Variants in HDAC9 observed in about 807,000 individuals in gnomAD.
The protein encoded by HDAC9 is MEF-2 interacting transcription repressor (MITR) protein.
In HDAC9, 41 loss-of-function variants were observed where a neutral mutation model predicts 139.4. That is an observed-to-expected ratio of 0.29 (90% CI 0.23 to 0.38). HDAC9 has a LOEUF of 0.38. HDAC9 is among the 10% of genes least tolerant of loss of function. The pLI, the probability that HDAC9 is intolerant of heterozygous loss-of-function variation, is 1.00. For missense variants in HDAC9, 1,147 were observed against 1,297.0 expected (o/e 0.88, Z 1.78); for synonymous variants, 517 against 476.2 (o/e 1.09, Z -1.12).
intron 17 of HDAC9, among the ~76,000 whole-genome samples, chr7:18,826,869 A>G (rs1795484744): frequency 6.7e-6 from 1 of 150,292 alleles, no homozygotes; most frequent in Non-Finnish European, 1.5e-5. Context: ...TTCTGGTAAG[A>G]CCCATTAACA....
intron 2 of HDAC9, chr7:18,162,377 A>T: frequency 6.6e-7 from 1 of 1,525,346 alleles, no homozygotes; most frequent in African/African-American, 1.4e-5. Flanking sequence ...TTAAACTGTT[A>T]ATAGACTTCA....
At chr7:18,916,576 G>A (rs1212076434) in intron 22 of HDAC9, among the ~76,000 whole-genome samples, 2 of 151,888 alleles carry the variant, frequency 1.3e-5, no homozygotes, top group African/African-American at 4.8e-5. Context: ...ATAAAGTGGT[G>A]TAAAATGTTG....
At chr7:18,970,239 A>C (rs939575395) in intron 24 of HDAC9, among the ~76,000 whole-genome samples, 4 of 152,190 alleles carry the variant, frequency 2.6e-5, no homozygotes, top group Non-Finnish European at 5.9e-5. Flanking sequence ...AGAGCTACAA[A>C]ACTGATTAAC....
intron 22 of HDAC9, among the ~76,000 whole-genome samples, chr7:18,882,776 G>T (rs188366128): frequency 6.6e-6 from 1 of 152,166 alleles, no homozygotes; most frequent in Admixed American, 6.6e-5. Context: ...TAAATATTCA[G>T]TGAAAGTCTG....
At chr7:18,733,754 T>C (rs1170568749) in intron 13 of HDAC9, among the ~76,000 whole-genome samples, 1 of 152,122 alleles carries the variant, frequency 6.6e-6, no homozygotes, top group African/African-American at 2.4e-5. Flanking sequence ...TCCTATTACC[T>C]TCACACATGT....
intron 22 of HDAC9, among the ~76,000 whole-genome samples, chr7:18,913,357 A>G (rs1344487900): frequency 6.6e-6 from 1 of 152,076 alleles, no homozygotes; most frequent in Admixed American, 6.6e-5. Flanking sequence ...GTCAAAATAG[A>G]ATGGGAGGAT....
chr7:18,482,501 T>G (rs1270793252), intron 1 of HDAC9, among the ~76,000 whole-genome samples: 1 of 151,718 alleles, frequency 6.6e-6, no homozygotes, highest in African/African-American at 2.4e-5. Context: ...TTTGTCTTGA[T>G]CTCAGTTATC....
chr7:18,914,093 C>G (rs1242380873), intron 22 of HDAC9, among the ~76,000 whole-genome samples: 2 of 151,750 alleles, frequency 1.3e-5, no homozygotes, highest in African/African-American at 4.8e-5. Flanking sequence ...TTAGTGCCCT[C>G]AATTAAGAGG....
At chr7:18,647,154 A>G (rs932946260) in intron 9 of HDAC9, among the ~76,000 whole-genome samples, 16 of 152,260 alleles carry the variant, frequency 1.1e-4, no homozygotes, top group African/African-American at 3.8e-4. Flanking sequence ...TCCCCATGAT[A>G]TAGTCTTTGA....
At position 18,675,542 on chromosome 7, in the gene HDAC9, G is replaced by A. The variant is rs541892000; in HGVS notation, c.1731+9066G>A. On this transcript the variant is annotated intron_variant, in intron 12 of 25. Transcript: ENST00000686413. ...TGAAAAGTAGCATTAATATATCTTG[G>A]AACTTTAGTAACTTTGTTCTCCTTG... Among the ~76,000 whole-genome samples, 6 of 152,102 alleles carry A rather than the reference G, an allele frequency of 3.9e-5. No homozygotes were observed. In the South Asian group the frequency reaches 1.2e-3, roughly 32 times the overall value.
rs565160386 is a variant in HDAC9, at chr7:18,998,087, T to C, written c.*2025T>C. On this transcript the variant is annotated 3_prime_UTR_variant, in exon 26 of 26. Coordinates refer to ENST00000686413, the MANE Select transcript of HDAC9 (RefSeq NM_178425.4). ...GCTTGAGGATATTTACTTAAAAAAA[T>C]AGTAGAGCCAAAGGCTTAACAAAAG... The C allele has an allele frequency of 6.6e-6, 1 of 152,272 alleles. No homozygotes were observed. The highest frequency in any genetic ancestry group is 2.4e-5 in the African/African-American group (1 of 41,576). The allele number at this position is 152,272 out of a possible 1,614,324, so 9.4% of individuals were successfully genotyped here. A position where few individuals can be genotyped will look rare whatever the true frequency, so the allele number is the denominator to read the frequency against.
intron 1 of HDAC9, among the ~76,000 whole-genome samples, chr7:18,308,099 G>C (rs1367758376): frequency 1.3e-5 from 2 of 152,166 alleles, no homozygotes; most frequent in Non-Finnish European, 2.9e-5. Context: ...AAACTCAAAT[G>C]TAATTTTAAG....
At chr7:18,663,721 A>AGAG (rs1486478112) in intron 11 of HDAC9, among the ~76,000 whole-genome samples, 1 of 152,072 alleles carries the variant, frequency 6.6e-6, no homozygotes, top group African/African-American at 2.4e-5. Context: ...AGTGAGAGGG[A>AGAG]GAGTTTCTAC....
Position 18,629,411 on chromosome 7 carries a change from C to T in HDAC9, c.726C>T (p.Ser242=). ...AACAGAAAGTGGCAGAGAGGAGAAG[C>T]AGCCCCTTACTCAGGCGGAAGGATG... ...RLKQKVAERR[S]SPLLRRKDGN... Residue 242 remains serine (S), a synonymous_variant, in exon 7 of 26, where the codon AGC becomes AGT. Transcript: ENST00000686413. 1 of 1,611,134 alleles carries T rather than the reference C, an allele frequency of 6.2e-7. No individual in the cohort carries two copies. Among genetic ancestry groups the T allele is most frequent in the Non-Finnish European group, 8.5e-7 (1 of 1,178,808 alleles).
intron 1 of HDAC9, among the ~76,000 whole-genome samples, chr7:18,407,158 T>G (rs1788090015): frequency 6.6e-6 from 1 of 152,162 alleles, no homozygotes. Context: ...ACTCCAGATC[T>G]TATTTATCTC....
chr7:18,845,099 C>A (rs1796822938), intron 21 of HDAC9, among the ~76,000 whole-genome samples: 1 of 151,944 alleles, frequency 6.6e-6, no homozygotes, highest in Non-Finnish European at 1.5e-5. Context: ...TGAAGTCTGC[C>A]AAAAGTTTGT....
intron 1 of HDAC9, among the ~76,000 whole-genome samples, chr7:18,490,534 A>C (rs1563040891): frequency 6.6e-6 from 1 of 152,016 alleles, no homozygotes; most frequent in Admixed American, 6.6e-5. Flanking sequence ...GCGTCAGATG[A>C]GGAAGATTTT....
intron 1 of HDAC9, among the ~76,000 whole-genome samples, chr7:18,355,364 A>G (rs1783172857): frequency 1.3e-5 from 2 of 152,150 alleles, no homozygotes; most frequent in African/African-American, 4.8e-5. Context: ...TTTTCAACAT[A>G]GGCTCTTTAT....
intron 1 of HDAC9, among the ~76,000 whole-genome samples, chr7:18,150,687 A>T (rs1243470238): frequency 6.6e-6 from 1 of 151,858 alleles, no homozygotes; most frequent in Non-Finnish European, 1.5e-5. Context: ...CATCCACATC[A>T]CTCTCTGTTC....
Sources: gnomAD v4.1 joint callset for allele counts (sites outside exome capture counted in the v4.1 genomes callset) on GRCh38, gnomAD v4.1.1 for gene constraint, MANE v1.5 for transcripts, NCBI Gene and HGNC (gene_info 2026-07-23, HGNC 2026-07-21) for gene names.